Variants in CYBRD1 observed in about 807,000 individuals in gnomAD.
The protein encoded by CYBRD1 is cytochrome b reductase 1.
A neutral mutation model predicts 21.9 loss-of-function variants in CYBRD1; 14 were observed. That is an observed-to-expected ratio of 0.64 (90% CI 0.42 to 1.00). The LOEUF (loss-of-function observed/expected upper bound fraction) is 1.00. Ranked by LOEUF, CYBRD1 falls within the 50% of genes least tolerant of loss-of-function variation. The probability of loss-of-function intolerance (pLI) is 0.00; values close to 1 mark genes in which losing one functional copy is unlikely to be tolerated. For missense variants in CYBRD1, 328 were observed against 352.5 expected, an observed-to-expected ratio of 0.93 and a Z score of 0.56; for synonymous variants, 146 against 136.5, an observed-to-expected ratio of 1.07 and a Z score of -0.48.
At chr2:171,551,547 A>G (rs1414495490) in intron 2 of CYBRD1, among the ~76,000 whole-genome samples, 1 of 152,190 alleles carries the variant, frequency 6.6e-6, no homozygotes, top group Non-Finnish European at 1.5e-5. Context: ...CCTTTGATCT[A>G]TGTAAATTTT....
chr2:171,550,406 C>T (rs920907429), intron 2 of CYBRD1, among the ~76,000 whole-genome samples: 9 of 151,966 alleles, frequency 5.9e-5, no homozygotes, highest in African/African-American at 2.2e-4. Flanking sequence ...TAAATGCATG[C>T]CTTCTGTGAA....
At chr2:171,553,652 T>TATA in intron 3 of CYBRD1, 152 bp downstream of exon 3, 1 of 633,436 alleles carries the variant, frequency 1.6e-6, no homozygotes, top group Non-Finnish European at 2.2e-6. Flanking sequence ...ATAGGTAATA[T>TATA]GATATTACTA....
At position 171,554,601 on chromosome 2, in the gene CYBRD1, G is replaced by A. The variant is rs755621709; in HGVS notation, c.635G>A (p.Gly212Glu). The change falls in exon 4 of 4, where the codon GGG becomes GAG. Residue 212 changes from glycine to glutamate, a missense_variant. Gly to Glu is a moderately conservative substitution (Grantham distance 98, BLOSUM62 -2). Coordinates refer to ENST00000321348, the MANE Select transcript of CYBRD1 (RefSeq NM_024843.4). ...NTLGLLILVFGALIFWIVTRP... is the reference protein window; with the variant it reads ...NTLGLLILVFEALIFWIVTRP... Reference sequence around the variant, plus strand: ...CTTGGCCTTCTGATCCTGGTGTTCGGGGCCCTCATTTTTTGGATAGTCACC... The same window carrying A: ...CTTGGCCTTCTGATCCTGGTGTTCGAGGCCCTCATTTTTTGGATAGTCACC... The A allele has an allele frequency of 6.2e-7, 1 of 1,613,982 alleles. No individual in the cohort carries two copies. Among genetic ancestry groups the A allele is most frequent in the East Asian group, 2.2e-5 (1 of 44,872 alleles).
chr2:171,528,597 G>A (rs1697418229), intron 1 of CYBRD1, among the ~76,000 whole-genome samples: 1 of 152,022 alleles, frequency 6.6e-6, no homozygotes, highest in African/African-American at 2.4e-5. Context: ...CTTCTTTGGT[G>A]GTCAATCTTA....
intron 2 of CYBRD1, among the ~76,000 whole-genome samples, chr2:171,542,113 C>T (rs1697644372): frequency 6.6e-6 from 1 of 152,040 alleles, no homozygotes; most frequent in Non-Finnish European, 1.5e-5. Flanking sequence ...ATCCGCCTGC[C>T]TCAGCCTCCC....
At chr2:171,545,251 T>C (rs1697693462) in intron 2 of CYBRD1, among the ~76,000 whole-genome samples, 1 of 152,128 alleles carries the variant, frequency 6.6e-6, no homozygotes, top group South Asian at 2.1e-4. Context: ...ATTTTACCAT[T>C]GAGTACAGAT....
intron 1 of CYBRD1, among the ~76,000 whole-genome samples, chr2:171,529,755 G>C (rs1394492687): frequency 5.9e-5 from 9 of 152,070 alleles, no homozygotes; most frequent in Admixed American, 5.9e-4. Flanking sequence ...GCACTGGTGA[G>C]ATCAGAGCTT....
At chr2:171,543,432 T>C (rs1299950396) in intron 2 of CYBRD1, among the ~76,000 whole-genome samples, 1 of 152,158 alleles carries the variant, frequency 6.6e-6, no homozygotes, top group Non-Finnish European at 1.5e-5. Context: ...GGACATCCAG[T>C]CCATCTCGCT....
At chr2:171,550,241 G>A (rs1007746648) in intron 2 of CYBRD1, among the ~76,000 whole-genome samples, 1 of 152,162 alleles carries the variant, frequency 6.6e-6, no homozygotes, top group African/African-American at 2.4e-5. Context: ...GAGTAGCTGG[G>A]ACTACAGGCA....
chr2:171,548,645 T>TAAA lies in CYBRD1; in HGVS notation c.403-4682_403-4680dup, dbSNP rs57266656. Among the ~76,000 whole-genome samples, 270 of 89,936 alleles carry TAAA rather than the reference T, an allele frequency of 3.0e-3. 5 individuals carry two copies. The highest frequency in any genetic ancestry group is 7.8e-3 in the Middle Eastern group (1 of 128). 59.0% of individuals were successfully genotyped at this position (89,936 alleles called of 152,430 possible). On this transcript the variant is annotated intron_variant, in intron 2 of 3. Transcript: ENST00000321348. ...AAGCTCATTAAATCTACCTGTACCC[T>TAAA]AAAAAAAAAAAAAAAAAAAAAGCAA...
rs749538088 is a variant in CYBRD1 at position 171,522,626 on chromosome 2, C to T, written c.81C>T (p.Ala27=). The T allele has an allele frequency of 1.3e-5, 21 of 1,613,216 alleles. No individual in the cohort carries two copies. Among genetic ancestry groups the T allele is most frequent in the Non-Finnish European group, 1.7e-5 (20 of 1,179,846 alleles). ...LLVGFLSVIF[A]LVWVLHYREG... is the part of the protein sequence containing the mutation. ...TCGGCTTCCTGTCGGTGATCTTCGC[C>T]CTCGTCTGGGTCCTCCACTACCGAG... The change falls in exon 1 of 4, where the codon GCC becomes GCT. Residue 27 remains alanine, a synonymous_variant. Coordinates refer to ENST00000321348, the MANE Select transcript of CYBRD1 (RefSeq NM_024843.4). The surrounding 1 kb of genome is among the most constrained non-coding windows in gnomAD (Gnocchi z 4.3).
At chr2:171,545,263 C>T (rs1361170382) in intron 2 of CYBRD1, among the ~76,000 whole-genome samples, 3 of 151,890 alleles carry the variant, frequency 2.0e-5, no homozygotes, top group African/African-American at 4.8e-5. Flanking sequence ...AGTACAGATG[C>T]GTCACATTTC....
chr2:171,533,903 A>G (rs371636981), intron 1 of CYBRD1, among the ~76,000 whole-genome samples: 1 of 151,564 alleles, frequency 6.6e-6, no homozygotes, highest in African/African-American at 2.4e-5. Flanking sequence ...ACAGGGTTTC[A>G]CCACATTGGC....
intron 1 of CYBRD1, among the ~76,000 whole-genome samples, chr2:171,533,341 T>G (rs1697498555): frequency 6.6e-6 from 1 of 152,216 alleles, no homozygotes; most frequent in South Asian, 2.1e-4. Context: ...CACTCTAGCC[T>G]GGGTGCAAAG....
intron 2 of CYBRD1, among the ~76,000 whole-genome samples, chr2:171,548,012 T>C (rs1471540682): frequency 2.0e-5 from 3 of 152,074 alleles, no homozygotes; most frequent in East Asian, 1.9e-4. Flanking sequence ...AGCAAGGAGA[T>C]GTAGAATATT....
Position 171,556,508 on chromosome 2 carries a change from A to G in CYBRD1, c.*1681A>G, listed in dbSNP as rs2542939. ...CAATTTTAAACTGAAGCATTTTAAT[A>G]TGGGTAGAAACTCTACACCAAATAC... On this transcript the variant is annotated 3_prime_UTR_variant, in exon 4 of 4. Coordinates refer to ENST00000321348, the MANE Select transcript of CYBRD1 (RefSeq NM_024843.4). 103,493 of 152,038 alleles carry G rather than the reference A, an allele frequency of 0.68. 35,856 individuals carry two copies. The highest frequency in any genetic ancestry group is 0.79 in the African/African-American group (32,639 of 41,494). 9.4% of individuals were successfully genotyped at this position (152,038 alleles called of 1,614,324 possible). A position where few individuals can be genotyped will look rare whatever the true frequency, so the allele number is the denominator to read the frequency against.
At chr2:171,550,164 T>G (rs1461806602) in intron 2 of CYBRD1, among the ~76,000 whole-genome samples, 1 of 152,166 alleles carries the variant, frequency 6.6e-6, no homozygotes, top group Non-Finnish European at 1.5e-5. Context: ...CAGGCTGAAG[T>G]GCACAATGTC....
rs1697641174 is a variant in CYBRD1, at chr2:171,541,928, G to A, written c.402+135G>A. On this transcript the variant is annotated intron_variant, in intron 2 of 3. Transcript: ENST00000321348. ...CACCCAGGCTGGAGTGCAGTGCTGC[G>A]ATCTTGGCTCACTGCAACCACTGTC... 7 of 734,116 alleles carry A rather than the reference G, an allele frequency of 9.5e-6. 1 individual carries two copies. Among genetic ancestry groups the A allele is most frequent in the South Asian group, 7.4e-5 (4 of 53,720 alleles). The allele number at this position is 734,116 out of a possible 1,614,324, so 45.5% of individuals were successfully genotyped here. A position where few individuals can be genotyped will look rare whatever the true frequency, so the allele number is the denominator to read the frequency against.
chr2:171,523,019 C>G, intron 1 of CYBRD1: 2 of 479,492 alleles, frequency 4.2e-6, no homozygotes, highest in Non-Finnish European at 3.7e-6. Context: ...GGGGCCGGCC[C>G]CACTTGGTTA....
Sources: allele counts gnomAD v4.1 joint callset (sites outside exome capture counted in the v4.1 genomes callset), GRCh38; gene constraint gnomAD v4.1.1; non-coding constraint Gnocchi (gnomAD v3.1); transcripts MANE v1.5; gene names NCBI Gene and HGNC (gene_info 2026-07-23, HGNC 2026-07-21).